TMEM132D: variants seen among roughly 807,000 people sequenced by gnomAD.
TMEM132D encodes the protein mature OL transmembrane protein.
Under a neutral mutation model 62.3 loss-of-function variants are expected in TMEM132D, and 21 were observed. That is an observed-to-expected ratio of 0.34 (90% CI 0.24 to 0.49). The LOEUF (loss-of-function observed/expected upper bound fraction) is 0.49. Ranked by LOEUF, TMEM132D falls within the 20% of genes least tolerant of loss-of-function variation. The pLI, the probability that TMEM132D is intolerant of heterozygous loss-of-function variation, is 0.99. For synonymous variants in TMEM132D, 621 were observed against 575.6 expected, an observed-to-expected ratio of 1.08 and a Z score of -1.13; for missense variants, 1,346 against 1,402.8, an observed-to-expected ratio of 0.96 and a Z score of 0.65.
Position 129,099,819 on chromosome 12 carries a change from TTTTTTA to T in TMEM132D, c.1444-15123_1444-15118del, listed in dbSNP as rs775534287. 1.7e-4 allele frequency among the ~76,000 whole-genome samples: 25 copies of T among 143,378 alleles called. 1 individual carries two copies. The highest frequency in any genetic ancestry group is 3.1e-4 in the Non-Finnish European group (21 of 68,000). 94.1% of individuals were successfully genotyped at this position (143,378 alleles called of 152,430 possible). On this transcript the variant is annotated intron_variant, in intron 5 of 8. Transcript: ENST00000422113. ...GAAACCCACTTTATTTTTTTTTATT[TTTTTTA>T]TTTTTATTTTTATTTTTTGAGACGG...
Position 129,112,491 on chromosome 12 carries a change from G to A in TMEM132D, c.1444-27789C>T, listed in dbSNP as rs143733185. ...ATCCTGACCAACATGGAGAAACCCC[G>A]TCTCTACTAAAAATATAAAAAATTA... On this transcript the variant is annotated intron_variant, in intron 5 of 8. Coordinates refer to ENST00000422113, the MANE Select transcript of TMEM132D (RefSeq NM_133448.3). Among the ~76,000 whole-genome samples the A allele has an allele frequency of 6.8e-4, 104 of 152,220 alleles. 1 individual carries two copies. The highest frequency in any genetic ancestry group is 1.9e-3 in the African/African-American group (80 of 41,528).
At chr12:129,099,888 G>C (rs1251834235) in intron 5 of TMEM132D, among the ~76,000 whole-genome samples, 5 of 130,780 alleles carry the variant, frequency 3.8e-5, no homozygotes, top group African/African-American at 1.6e-4. Flanking sequence ...TGCAGTGGCA[G>C]GATCTCGGCT....
At chr12:129,588,661 G>A (rs771267476) in intron 2 of TMEM132D, among the ~76,000 whole-genome samples, 70 of 151,190 alleles carry the variant, frequency 4.6e-4, no homozygotes, top group African/African-American at 1.0e-3. Context: ...TGCAAGCTCC[G>A]CCTCCCAGGT....
At chr12:129,250,413 C>G (rs1441915743) in intron 4 of TMEM132D, among the ~76,000 whole-genome samples, 1 of 152,176 alleles carries the variant, frequency 6.6e-6, no homozygotes, top group African/African-American at 2.4e-5. Context: ...GAATTACCTA[C>G]AGAGTAAAAC....
rs368082396 is a variant in TMEM132D, at chr12:129,730,000, CCCAAACCCTTAAGAA to C, written c.80-29317_80-29303del. On this transcript the variant is annotated intron_variant, in intron 1 of 8. Coordinates refer to ENST00000422113, the MANE Select transcript of TMEM132D (RefSeq NM_133448.3). ...AATTGCTCCTAACTCCACGGCCTAT[CCCAAACCCTTAAGAA>C]CCAATGATAAGCCCACCACACTTTG... is the stretch of plus-strand genomic sequence containing the variant. Among the ~76,000 whole-genome samples, 801 of 152,266 alleles carry C rather than the reference CCCAAACCCTTAAGAA, an allele frequency of 5.3e-3. 4 individuals carry two copies. The highest frequency in any genetic ancestry group is 0.019 in the African/African-American group (771 of 41,556).
chr12:129,207,340 G>C (rs1403051086), intron 5 of TMEM132D, among the ~76,000 whole-genome samples: 1 of 151,998 alleles, frequency 6.6e-6, no homozygotes. Context: ...AGGTTCCAAC[G>C]AGGACAGTCA....
intron 4 of TMEM132D, among the ~76,000 whole-genome samples, chr12:129,308,551 T>A (rs1024122149): frequency 6.6e-6 from 1 of 152,246 alleles, no homozygotes; most frequent in Non-Finnish European, 1.5e-5. Flanking sequence ...GCTTACTTCC[T>A]ATCACTTGCC....
intron 3 of TMEM132D, among the ~76,000 whole-genome samples, chr12:129,373,559 G>A (rs11060285): frequency 0.063 from 9,550 of 152,126 alleles, 684 homozygotes; most frequent in East Asian, 0.34. Context: ...GTGAACCCGG[G>A]AGGCGGAGCT....
At chr12:129,602,196 G>T (rs932359583) in intron 2 of TMEM132D, among the ~76,000 whole-genome samples, 10 of 152,114 alleles carry the variant, frequency 6.6e-5, no homozygotes, top group African/African-American at 2.4e-4. Context: ...AGTAAAAACT[G>T]AAAACTAGAC....
At chr12:129,227,211 A>G (rs890610929) in intron 4 of TMEM132D, among the ~76,000 whole-genome samples, 1 of 149,368 alleles carries the variant, frequency 6.7e-6, no homozygotes, top group African/African-American at 2.4e-5. Flanking sequence ...TTTATTTATT[A>G]TGTTAACTGC....
intron 1 of TMEM132D, among the ~76,000 whole-genome samples, chr12:129,722,740 TTC>T (rs371389947): frequency 0.19 from 7,172 of 38,584 alleles, 227 homozygotes; most frequent in Middle Eastern, 0.36. Context: ...TTTTCTTTTT[TTC>T]TTTTTTTTTT....
At position 129,834,098 on chromosome 12, in the gene TMEM132D, G is replaced by A. The variant is rs552026224; in HGVS notation, c.79+69163C>T. ...ATCTGCTCCATAAGGGATTGTAACC[G>A]AGTGGCCCAGACTTGAAACACATTT... On this transcript the variant is annotated intron_variant, in intron 1 of 8. Transcript: ENST00000422113. Among the ~76,000 whole-genome samples, 5 of 152,252 alleles carry A rather than the reference G, an allele frequency of 3.3e-5. No homozygotes were observed. The South Asian group carries it at 6.2e-4, about 19-fold the overall frequency.
intron 3 of TMEM132D, among the ~76,000 whole-genome samples, chr12:129,496,180 C>T (rs1874950067): frequency 6.6e-6 from 1 of 152,116 alleles, no homozygotes; most frequent in African/African-American, 2.4e-5. Context: ...TGAATACTCG[C>T]ACAAGTTTTT....
intron 1 of TMEM132D, among the ~76,000 whole-genome samples, chr12:129,900,951 T>C (rs1875333210): frequency 6.6e-6 from 1 of 152,198 alleles, no homozygotes; most frequent in Non-Finnish European, 1.5e-5. Context: ...AGAGGGTGGG[T>C]TTGTTCTATA....
intron 1 of TMEM132D, among the ~76,000 whole-genome samples, chr12:129,876,273 C>T (rs1181394763): frequency 1.3e-5 from 2 of 152,196 alleles, no homozygotes; most frequent in African/African-American, 4.8e-5. Context: ...GCATCCTCAT[C>T]ACCAAATCCT....
At position 129,417,339 on chromosome 12, in the gene TMEM132D, T is replaced by C. The variant is rs867913307; in HGVS notation, c.1116-79522A>G. ...AGTAACCAAAACAGGATGATACTGG[T>C]ACCAAAACAGATACGTAGACCAATG... On this transcript the variant is annotated intron_variant, in intron 3 of 8. Coordinates refer to ENST00000422113, the MANE Select transcript of TMEM132D (RefSeq NM_133448.3). 1.2e-4 allele frequency among the ~76,000 whole-genome samples: 18 copies of C among 152,226 alleles called. 1 individual carries two copies. Among genetic ancestry groups the C allele is most frequent in the African/African-American group, 3.4e-4 (14 of 41,526 alleles).
chr12:129,496,630 C>T (rs4759951), intron 3 of TMEM132D, among the ~76,000 whole-genome samples: 88,696 of 151,526 alleles, frequency 0.59, 27,389 homozygotes, highest in African/African-American at 0.8. Context: ...TATGTTTTAG[C>T]AGTAACAATA....
intron 2 of TMEM132D, among the ~76,000 whole-genome samples, chr12:129,555,593 A>G (rs193152460): frequency 3.9e-5 from 6 of 152,364 alleles, no homozygotes; most frequent in African/African-American, 2.4e-5. Flanking sequence ...TTTGCAGATC[A>G]TATTTTGTTG....
chr12:129,429,379 G>A (rs1593004569), intron 3 of TMEM132D, among the ~76,000 whole-genome samples: 1 of 152,056 alleles, frequency 6.6e-6, no homozygotes, highest in Non-Finnish European at 1.5e-5. Flanking sequence ...TTGTTTGTTT[G>A]TTTGTTTGTT....
Sources: gnomAD v4.1 joint callset for allele counts (sites outside exome capture counted in the v4.1 genomes callset) on GRCh38, gnomAD v4.1.1 for gene constraint, MANE v1.5 for transcripts, NCBI Gene and HGNC (gene_info 2026-07-23, HGNC 2026-07-21) for gene names.